Variants in TBC1D16 observed in about 807,000 individuals in gnomAD.
The protein encoded by TBC1D16 is TBC1 domain family member 16, also known as CTD-2529O21.1.
TBC1D16 carries 58 observed loss-of-function variants against 74.7 expected under a neutral mutation model. That is an observed-to-expected ratio of 0.78 (90% confidence interval 0.63 to 0.97). The LOEUF is 0.97. TBC1D16 is among the 50% of genes least tolerant of loss of function. The probability of loss-of-function intolerance (pLI) is 0.00; values close to 1 mark genes in which losing one functional copy is unlikely to be tolerated. For synonymous variants in TBC1D16, 493 were observed against 474.7 expected (o/e 1.04, Z -0.50); for missense variants, 1,014 against 1,079.5 (o/e 0.94, Z 0.85).
chr17:79,951,385 G>A, intron 5 of TBC1D16, 65 bp downstream of exon 5: 5 of 1,571,176 alleles, frequency 3.2e-6, no homozygotes, highest in Non-Finnish European at 3.5e-6. Flanking sequence ...CCAGGAGGGA[G>A]ATGGGGCCCG....
At chr17:79,978,724 A>G (rs962228539) in intron 3 of TBC1D16, among the ~76,000 whole-genome samples, 14 of 152,154 alleles carry the variant, frequency 9.2e-5, no homozygotes, top group African/African-American at 3.4e-4. Flanking sequence ...TTTTCCATTC[A>G]GCGTGATTAC....
chr17:79,982,362 T>A (rs192224842), intron 3 of TBC1D16, among the ~76,000 whole-genome samples: 1 of 149,552 alleles, frequency 6.7e-6, no homozygotes, highest in African/African-American at 2.4e-5. Context: ...GCCAGGCTGG[T>A]CTTGAACTCC....
chr17:79,953,697 T>C (rs2033190519), intron 3 of TBC1D16, among the ~76,000 whole-genome samples: 1 of 152,246 alleles, frequency 6.6e-6, no homozygotes, highest in African/African-American at 2.4e-5. Flanking sequence ...AATTGCAAAA[T>C]ATCTTATTAT....
Position 80,001,292 on chromosome 17 carries a change from G to A in TBC1D16, c.779+8868C>T, listed in dbSNP as rs894500851. ...GGGGGAGTCTGGGGGAGGGAGGAAC[G>A]CCACACAGAGCCTGCCAAGTGCTAC... is the stretch of plus-strand genomic sequence containing the variant. On this transcript the variant is annotated intron_variant, in intron 3 of 11. Transcript: ENST00000310924. The surrounding 1 kb of genome is among the most constrained non-coding windows in gnomAD (Gnocchi z 5.8). 2.6e-5 allele frequency among the ~76,000 whole-genome samples: 4 copies of A among 152,338 alleles called. No homozygotes were observed. The highest frequency in any genetic ancestry group is 2.1e-4 in the South Asian group (1 of 4,830).
intron 3 of TBC1D16, among the ~76,000 whole-genome samples, chr17:80,002,985 G>A (rs1015461158): frequency 6.6e-6 from 1 of 152,180 alleles, no homozygotes; most frequent in Non-Finnish European, 1.5e-5. Flanking sequence ...TCACGGAGAA[G>A]AAAGTCTCTT....
In TBC1D16 at chr17:79,988,434, C is replaced by T. The variant is rs2034927677; in HGVS notation, c.779+21726G>A. 6.6e-6 allele frequency among the ~76,000 whole-genome samples: 1 copy of T among 152,262 alleles called. No homozygotes were observed. The highest frequency in any genetic ancestry group is 6.5e-5 in the Admixed American group (1 of 15,290). ...AGAGCTATGAGTCAGGTCCAAGCTC[C>T]ACTGGGCGTATGCCCAAGGGGCAGA... On this transcript the variant is annotated intron_variant, in intron 3 of 11. Coordinates refer to ENST00000310924, the MANE Select transcript of TBC1D16 (RefSeq NM_019020.4). The surrounding 1 kb of genome is among the most constrained non-coding windows in gnomAD (Gnocchi z 5.7).
rs150133581 is a variant in TBC1D16 at position 79,944,042 on chromosome 17, T to C, written c.1908+866A>G. 69 of 1,535,890 alleles carry C rather than the reference T, an allele frequency of 4.5e-5. No individual in the cohort carries two copies. In the Middle Eastern group the frequency reaches 1.0e-3, roughly 22 times the overall value. On this transcript the variant is annotated intron_variant, in intron 10 of 11. Transcript: ENST00000310924. This position sits in a 1 kb window ranked among gnomAD's most constrained non-coding sequence, Gnocchi z 7.7. ...GGCCAGGGGCGAGCCGATGACCGCA[T>C]GCAAAGGCGGCGTGTGGTACCGGCA... is the stretch of plus-strand genomic sequence containing the variant.
rs139179289 is a variant in TBC1D16, at chr17:80,017,538, G to A, written c.-62-3929C>T. Among the ~76,000 whole-genome samples, 729 of 151,916 alleles carry A rather than the reference G, an allele frequency of 4.8e-3. 6 individuals are homozygous for A. The highest frequency in any genetic ancestry group is 0.016 in the African/African-American group (670 of 41,454). ...CTCTACTAAAAATACAAAATTAGCC[G>A]GGCGTGATGGTGCATGCCTGTGATC... is the stretch of plus-strand genomic sequence containing the variant. On this transcript the variant is annotated intron_variant, in intron 1 of 11. Coordinates refer to ENST00000310924, the MANE Select transcript of TBC1D16 (RefSeq NM_019020.4).
intron 3 of TBC1D16, among the ~76,000 whole-genome samples, chr17:79,995,062 G>A (rs1287886226): frequency 6.6e-6 from 1 of 152,106 alleles, no homozygotes; most frequent in East Asian, 1.9e-4. Flanking sequence ...CACATTGGGA[G>A]GCCAAGGCAG....
At chr17:80,006,439 A>C (rs2035682345) in intron 3 of TBC1D16, among the ~76,000 whole-genome samples, 1 of 152,024 alleles carries the variant, frequency 6.6e-6, no homozygotes, top group African/African-American at 2.4e-5. Context: ...CGCCTGCTCT[A>C]CAGCGTCTAG....
Position 79,954,622 on chromosome 17 carries a change from G to A in TBC1D16, c.780-1804C>T, listed in dbSNP as rs2033247634. 6.6e-6 allele frequency among the ~76,000 whole-genome samples: 1 copy of A among 152,174 alleles called. No individual in the cohort carries two copies. Among genetic ancestry groups the A allele is most frequent in the African/African-American group, 2.4e-5 (1 of 41,442 alleles). ...TGGACCCTGCGGGAGCTGCGCTTCA[G>A]AATCGTTGCTCACAACACAGGGCAG... is the stretch of plus-strand genomic sequence containing the variant. On this transcript the variant is annotated intron_variant, in intron 3 of 11. Coordinates refer to ENST00000310924, the MANE Select transcript of TBC1D16 (RefSeq NM_019020.4). The surrounding 1 kb of genome is among the most constrained non-coding windows in gnomAD (Gnocchi z 5.5).
intron 3 of TBC1D16, among the ~76,000 whole-genome samples, chr17:79,996,005 T>C (rs1188486836): frequency 6.6e-6 from 1 of 152,184 alleles, no homozygotes; most frequent in Non-Finnish European, 1.5e-5. Flanking sequence ...AAGGACTAGT[T>C]TCTAGAGTGT....
At chr17:79,998,756 G>A (rs756909750) in intron 3 of TBC1D16, among the ~76,000 whole-genome samples, 23 of 152,038 alleles carry the variant, frequency 1.5e-4, no homozygotes, top group Non-Finnish European at 1.3e-4. Flanking sequence ...GCAGGGAAGC[G>A]CCACCGTTCG....
Position 79,971,392 on chromosome 17 carries a change from A to T in TBC1D16, c.780-18574T>A, listed in dbSNP as rs1380060061. ...AAATAAATTCACGTTGTGGTTAAAA[A>T]TTTTAAAAAGACTGAAGTGTGCAGA... On this transcript the variant is annotated intron_variant, in intron 3 of 11. Transcript: ENST00000310924. This position sits in a 1 kb window ranked among gnomAD's most constrained non-coding sequence, Gnocchi z 4.6. 3.3e-5 allele frequency among the ~76,000 whole-genome samples: 5 copies of T among 152,162 alleles called. No homozygotes were observed. Among genetic ancestry groups the T allele is most frequent in the Non-Finnish European group, 7.4e-5 (5 of 68,020 alleles).
chr17:79,985,087 C>T lies in TBC1D16; in HGVS notation c.779+25073G>A, dbSNP rs376419546. 3.9e-5 allele frequency among the ~76,000 whole-genome samples: 6 copies of T among 152,252 alleles called. 1 individual carries two copies. Among genetic ancestry groups the T allele is most frequent in the African/African-American group, 4.8e-5 (2 of 41,540 alleles). ...GTCAAAGTCAAGGTGCTAGTCGGGC[C>T]GCGCCCCCTCTGAAGGCTCCAGGCA... On this transcript the variant is annotated intron_variant, in intron 3 of 11. Coordinates refer to ENST00000310924, the MANE Select transcript of TBC1D16 (RefSeq NM_019020.4). The surrounding 1 kb of genome is among the most constrained non-coding windows in gnomAD (Gnocchi z 4.9).
chr17:79,936,933 T>TGCATGTGC lies in TBC1D16; in HGVS notation c.*3925_*3926insGCACATGC, dbSNP rs2031652012. The TGCATGTGC allele has an allele frequency of 6.6e-6, 1 of 152,506 alleles. No homozygotes were observed. Among genetic ancestry groups the TGCATGTGC allele is most frequent in the African/African-American group, 2.5e-5 (1 of 40,662 alleles). 9.4% of individuals were successfully genotyped at this position (152,506 alleles called of 1,614,324 possible). A position where few individuals can be genotyped will look rare whatever the true frequency, so the allele number is the denominator to read the frequency against. ...GCGTGTGTGTGTGTGTGTGTGTGTG[T>TGCATGTGC]GTGTGTGCGCATTTTCCCAGGGGAC... is the stretch of plus-strand genomic sequence containing the variant. On this transcript the variant is annotated 3_prime_UTR_variant, in exon 12 of 12. Coordinates refer to ENST00000310924, the MANE Select transcript of TBC1D16 (RefSeq NM_019020.4).
At chr17:79,967,099 A>T (rs1310898715) in intron 3 of TBC1D16, among the ~76,000 whole-genome samples, 1 of 152,232 alleles carries the variant, frequency 6.6e-6, no homozygotes, top group East Asian at 1.9e-4. Context: ...CTATAAAAAA[A>T]ACCCCACAAA....
chr17:79,992,852 G>C (rs2144514341), intron 3 of TBC1D16: 1 of 152,484 alleles, frequency 6.6e-6, no homozygotes, highest in South Asian at 2.1e-4. Context: ...TGCTTTCTCT[G>C]CAGAGCCTGC....
intron 2 of TBC1D16, among the ~76,000 whole-genome samples, chr17:80,013,098 ACAAGGGGCCAGGCAGGCCTGAGGGAT>A (rs956002307): frequency 3.9e-5 from 6 of 152,258 alleles, no homozygotes; most frequent in African/African-American, 7.2e-5. Flanking sequence ...CACACGAATG[ACAAGGGGCCAGGCAGGCCTGAGGGAT>A]CACTAACCCA....
Sources: allele counts gnomAD v4.1 joint callset (sites outside exome capture counted in the v4.1 genomes callset), GRCh38; gene constraint gnomAD v4.1.1; non-coding constraint Gnocchi (gnomAD v3.1); transcripts MANE v1.5; gene names NCBI Gene and HGNC (gene_info 2026-07-23, HGNC 2026-07-21).